Variants in TNS3 observed in about 807,000 individuals in gnomAD.
TNS3 encodes the protein tensin-3.
Under a neutral mutation model 140.9 loss-of-function variants are expected in TNS3, and 45 were observed. That is an observed-to-expected ratio of 0.32 (90% CI 0.25 to 0.41). TNS3 has a LOEUF of 0.41. Among genes scored for constraint, TNS3 ranks in the 10% least tolerant of loss-of-function variants. The pLI is 1.00. For missense variants in TNS3, 1,716 were observed against 1,906.7 expected (o/e 0.90, Z 1.86); for synonymous variants, 815 against 788.4 (o/e 1.03, Z -0.56).
rs990873609 is a variant in TNS3, at chr7:47,506,906, C to T, written c.-115+1G>A. 2 of 1,289,456 alleles carry T rather than the reference C, an allele frequency of 1.6e-6. No homozygotes were observed. Among genetic ancestry groups the T allele is most frequent in the Non-Finnish European group, 2.0e-6 (2 of 988,730 alleles). 79.9% of individuals were successfully genotyped at this position (1,289,456 alleles called of 1,614,324 possible). On this transcript the variant is annotated splice_donor_variant, in intron 3 of 30. Transcript: ENST00000311160. LOFTEE classifies it low-confidence loss of function (5UTR_SPLICE). ...CCATGGGAAAGCAACGGAATGCTTACCTTGGCTTCACATTTCTTGTGGCAG... is the reference window on the plus strand; with the variant it reads ...CCATGGGAAAGCAACGGAATGCTTATCTTGGCTTCACATTTCTTGTGGCAG...
rs1447367497 is a variant in TNS3, at chr7:47,344,803, G to A, written c.2602C>T (p.Pro868Ser). 1.2e-6 allele frequency: 2 copies of A among 1,613,568 alleles called. No homozygotes were observed. The highest frequency in any genetic ancestry group is 1.1e-5 in the South Asian group (1 of 91,056). The change falls in exon 20 of 31, where the codon CCT (proline) becomes TCT (serine). Residue 868 changes from proline (P) to serine (S), a missense_variant. This residue lies in a region of TNS3 where 1,163 missense variants were observed against 1,182.1 expected (regional missense o/e 0.98). Coordinates refer to ENST00000311160, the MANE Select transcript of TNS3 (RefSeq NM_022748.12). Reference sequence around the variant, plus strand: ...GCTGGGCTGCTCAGCGGGGGCTCAGGTGGGCTGAACGGAGGATGGCGCAGC... The same window carrying A: ...GCTGGGCTGCTCAGCGGGGGCTCAGATGGGCTGAACGGAGGATGGCGCAGC... ...TALRHPPFSP[P>S]EPPLSSPASQ... is the part of the protein sequence containing the mutation.
chr7:47,508,528 T>A (rs1284241741), intron 2 of TNS3, among the ~76,000 whole-genome samples: 2 of 152,182 alleles, frequency 1.3e-5, no homozygotes, highest in Non-Finnish European at 2.9e-5. Context: ...TGGGCAGGCC[T>A]CTGGCCTCTG....
chr7:47,330,656 C>G (rs1387843541), intron 20 of TNS3, among the ~76,000 whole-genome samples: 1 of 152,004 alleles, frequency 6.6e-6, no homozygotes, highest in Admixed American at 6.5e-5. Context: ...GAAGGGGCAA[C>G]AGGAGTTTCC....
intron 2 of TNS3, among the ~76,000 whole-genome samples, chr7:47,527,356 C>CCT (rs1217047166): frequency 6.6e-6 from 1 of 152,190 alleles, no homozygotes; most frequent in African/African-American, 2.4e-5. Context: ...GCACAAAGCC[C>CCT]CTACTGGACC....
rs1784822883 is a variant in TNS3 at position 47,275,186 on chromosome 7, T to G, written c.*2890A>C. On this transcript the variant is annotated 3_prime_UTR_variant, in exon 31 of 31. Transcript: ENST00000311160. ...GTTCATAATTTTATTATACTCTGAA[T>G]AGAGATGATATTTAAGGAGCAGAGA... is the stretch of plus-strand genomic sequence containing the variant. 1 of 152,660 alleles carries G rather than the reference T, an allele frequency of 6.6e-6. No individual in the cohort carries two copies. Among genetic ancestry groups the G allele is most frequent in the South Asian group, 2.1e-4 (1 of 4,834 alleles). The allele number at this position is 152,660 out of a possible 1,614,324, so 9.5% of individuals were successfully genotyped here.
chr7:47,425,269 A>T (rs965557159), intron 9 of TNS3, among the ~76,000 whole-genome samples: 1 of 152,140 alleles, frequency 6.6e-6, no homozygotes, highest in Non-Finnish European at 1.5e-5. Context: ...GTGAGCAGAG[A>T]TCGCACCATT....
At chr7:47,514,615 T>G (rs1351228340) in intron 2 of TNS3, among the ~76,000 whole-genome samples, 1 of 152,160 alleles carries the variant, frequency 6.6e-6, no homozygotes, top group African/African-American at 2.4e-5. Flanking sequence ...TCTCATCTCC[T>G]TTAGGCCTTC....
At chr7:47,561,935 T>C (rs1467409375) in intron 1 of TNS3, among the ~76,000 whole-genome samples, 1 of 152,214 alleles carries the variant, frequency 6.6e-6, no homozygotes, top group African/African-American at 2.4e-5. Context: ...CCACTAGACC[T>C]CAAGAAAGAA....
chr7:47,368,892 G>C lies in TNS3; in HGVS notation c.1754C>G (p.Ser585Cys). 6.2e-7 allele frequency: 1 copy of C among 1,613,640 alleles called. No individual in the cohort carries two copies. Among genetic ancestry groups the C allele is most frequent in the Non-Finnish European group, 8.5e-7 (1 of 1,179,844 alleles). ...QMQAYGQSSY[S>C]TQTWVRQQQM... ...CTGCTGGCGCACCCAGGTCTGTGTG[G>C]AGTAGCTGCTCTGCCCATAGGCCTG... Residue 585 changes from serine (S) to cysteine (C), a missense_variant, in exon 17 of 31, where the codon TCC becomes TGC. Ser to Cys is a moderately radical substitution (Grantham distance 112). Transcript: ENST00000311160.
At position 47,303,239 on chromosome 7, in the gene TNS3, T is replaced by A. The variant is rs1360716527; in HGVS notation, c.3168A>T (p.Thr1056=). 8 of 1,613,604 alleles carry A rather than the reference T, an allele frequency of 5.0e-6. No individual in the cohort carries two copies. The highest frequency in any genetic ancestry group is 6.8e-6 in the Non-Finnish European group (8 of 1,179,994). Residue 1056 remains threonine, a synonymous_variant, in exon 22 of 31, where the codon ACA becomes ACT. Transcript: ENST00000311160. ...AGCCATTGTCGGCAGCCCCTGTCGC[T>A]GTCAGCGGGATGCTGGGGGTCGGTG... is the stretch of plus-strand genomic sequence containing the variant. The part of the protein sequence containing the change: ...GASPTPSIPL[T]ATGAADNGFL...
chr7:47,337,729 AT>A (rs1788712342), intron 20 of TNS3, among the ~76,000 whole-genome samples: 1 of 152,200 alleles, frequency 6.6e-6, no homozygotes, highest in Non-Finnish European at 1.5e-5. Context: ...ATGACCTCAC[AT>A]TGCATGTGGA....
At chr7:47,401,767 A>C (rs1359953191) in intron 13 of TNS3, among the ~76,000 whole-genome samples, 2 of 152,236 alleles carry the variant, frequency 1.3e-5, no homozygotes, top group African/African-American at 4.8e-5. Flanking sequence ...CTCAGGCCAC[A>C]GCTGGGGGAG....
At chr7:47,535,526 T>C (rs544391059) in intron 1 of TNS3, among the ~76,000 whole-genome samples, 1 of 152,376 alleles carries the variant, frequency 6.6e-6, no homozygotes, top group Admixed American at 6.5e-5. Context: ...TACTGTGCTT[T>C]CATTTCTCCC....
intron 1 of TNS3, among the ~76,000 whole-genome samples, chr7:47,578,078 C>T (rs966131270): frequency 1.3e-5 from 2 of 151,584 alleles, no homozygotes; most frequent in African/African-American, 2.4e-5. Flanking sequence ...TTTGGGAGGC[C>T]GAGGCAGGTG....
intron 18 of TNS3, 64 bp downstream of exon 18, chr7:47,346,123 G>T (rs1789324376): frequency 1.9e-6 from 3 of 1,583,900 alleles, no homozygotes; most frequent in South Asian, 2.3e-5. Flanking sequence ...CATTCACTCG[G>T]GGTTCCAGGA....
Position 47,400,889 on chromosome 7 carries a change from C to A in TNS3, c.749G>T (p.Arg250Leu). 3.1e-6 allele frequency: 5 copies of A among 1,614,186 alleles called. No homozygotes were observed. Among genetic ancestry groups the A allele is most frequent in the Non-Finnish European group, 4.2e-6 (5 of 1,180,018 alleles). The stretch of plus-strand genomic sequence containing the variant: ...GAAAATGACGTCACGGGTGGCCGAG[C>A]GGTATTTCTTGTGGTAGCATTTCAC... ...VMVKCYHKKY[R>L]SATRDVIFRL... Residue 250 changes from arginine to leucine, a missense_variant, in exon 14 of 31, where the codon CGC becomes CTC. Physicochemically the swap from Arg to Leu is moderately radical, Grantham distance 102. This residue lies in a region of TNS3 where 337 missense variants were observed against 428.9 expected (regional missense o/e 0.79). Transcript: ENST00000311160.
chr7:47,373,533 G>A (rs1406424590), intron 16 of TNS3, among the ~76,000 whole-genome samples: 1 of 152,196 alleles, frequency 6.6e-6, no homozygotes, highest in Admixed American at 6.5e-5. Context: ...CTGCAGGCAT[G>A]CACCTGCCCT....
intron 20 of TNS3, among the ~76,000 whole-genome samples, chr7:47,324,350 A>C (rs1409234416): frequency 6.6e-6 from 1 of 152,214 alleles, no homozygotes; most frequent in Admixed American, 6.5e-5. Context: ...CTCTGACTGG[A>C]ATTAAATTAA....
chr7:47,288,022 T>A (rs1785507191), intron 27 of TNS3, among the ~76,000 whole-genome samples: 2 of 152,258 alleles, frequency 1.3e-5, no homozygotes, highest in South Asian at 4.1e-4. Context: ...TAGGATGCAC[T>A]GTTATGATCA....
Sources: gnomAD v4.1 joint callset for allele counts (sites outside exome capture counted in the v4.1 genomes callset) on GRCh38, gnomAD v4.1.1 for gene constraint, gnomAD v4.1.1 regional missense constraint, MANE v1.5 for transcripts, NCBI Gene and HGNC (gene_info 2026-07-23, HGNC 2026-07-21) for gene names.